The following UTY variants were observed in gnomAD, a reference collection of about 807,000 sequenced individuals.
The protein encoded by UTY is ubiquitously transcribed tetratricopeptide repeat containing, Y-linked, also known as histone demethylase UTY.
In UTY, 12 loss-of-function variants were observed where a neutral mutation model predicts 32.5. The observed-to-expected ratio is 0.37, with a 90% confidence interval of 0.24 to 0.60. The LOEUF is 0.60. Among genes scored for constraint, UTY ranks in the 20% least tolerant of loss-of-function variants. UTY has a pLI of 0.69. For synonymous variants in UTY, 131 were observed against 103.4 expected, an observed-to-expected ratio of 1.27 and a Z score of -1.62; for missense variants, 303 against 299.2, an observed-to-expected ratio of 1.01 and a Z score of -0.09.
At chrY:13,345,866 T>A (rs2061844166) in intron 17 of UTY, among the ~76,000 whole-genome samples, 3 of 32,902 alleles carry the variant, frequency 9.1e-5, no homozygotes, top group Admixed American at 2.7e-4. Flanking sequence ...CCTAATGCCA[T>A]CATATATAAA....
At chrY:13,398,385 A>G (rs2068516361) in intron 6 of UTY, among the ~76,000 whole-genome samples, 2 of 33,342 alleles carry the variant, frequency 6.0e-5, no homozygotes, top group Non-Finnish European at 1.5e-4. Context: ...TATGAAAGTA[A>G]AGTTGGGCCT....
intron 2 of UTY, among the ~76,000 whole-genome samples, chrY:13,473,260 C>T: frequency 3.2e-5 from 1 of 30,881 alleles, no homozygotes; most frequent in Non-Finnish European, 7.8e-5. Context: ...GCCAATATCA[C>T]GCCACTGCAC....
intron 17 of UTY, among the ~76,000 whole-genome samples, chrY:13,338,776 A>T: frequency 3.1e-5 from 1 of 32,707 alleles, no homozygotes; most frequent in Non-Finnish European, 7.5e-5. Context: ...GCAAAGTGTG[A>T]CCCCCACCTC....
At chrY:13,347,582 C>T (rs2062018062) in intron 17 of UTY, among the ~76,000 whole-genome samples, 10 of 31,529 alleles carry the variant, frequency 3.2e-4, no homozygotes. Flanking sequence ...ATCAGCTGGG[C>T]ATGGTGGCAG....
In UTY at chrY:13,449,056, T is replaced by C; in HGVS notation, c.336A>G (p.Ala112=). Residue 112 remains alanine (A), a synonymous_variant, in exon 4 of 30, where the codon GCA becomes GCG. Transcript: ENST00000545955. ...LLEDYSKALS[A]YQRYYSLQAD... ...CCTGTAAACTGTAATATCTCTGATA[T>C]GCAGATAATGCTGGAAAAGAAAAAA... 7.9e-6 allele frequency: 3 copies of C among 378,607 alleles called. No homozygotes were observed. The highest frequency in any genetic ancestry group is 1.1e-5 in the Non-Finnish European group (3 of 272,017). 94.4% of individuals were successfully genotyped at this position (378,607 alleles called of 400,897 possible).
intron 8 of UTY, among the ~76,000 whole-genome samples, chrY:13,370,700 T>G (rs754833442): frequency 2.7e-4 from 9 of 33,165 alleles, no homozygotes; most frequent in Admixed American, 5.5e-4. Context: ...ACCATCTCAA[T>G]GCAAAAAAGC....
intron 27 of UTY, among the ~76,000 whole-genome samples, chrY:13,267,642 T>C (rs2055940378): frequency 3.0e-5 from 1 of 33,888 alleles, no homozygotes; most frequent in Non-Finnish European, 7.3e-5. Context: ...GTTTTCGCAG[T>C]GGTTAGTTCC....
At chrY:13,399,003 C>A (rs2068616562) in intron 6 of UTY, among the ~76,000 whole-genome samples, 1 of 32,965 alleles carries the variant, frequency 3.0e-5, no homozygotes, top group Non-Finnish European at 7.5e-5. Context: ...AGCATTACTA[C>A]AGGAGCCAAA....
At chrY:13,469,834 C>G (rs2078310840) in intron 3 of UTY, among the ~76,000 whole-genome samples, 1 of 33,674 alleles carries the variant, frequency 3.0e-5, no homozygotes, top group Non-Finnish European at 7.3e-5. Context: ...TGTCTTTCTA[C>G]TGTTAACATT....
At position 13,479,651 on chromosome Y, in the gene UTY, T is replaced by C; in HGVS notation, c.15A>G (p.Ala5=). 1 of 393,842 alleles carries C rather than the reference T, an allele frequency of 2.5e-6. No individual in the cohort carries two copies. The highest frequency in any genetic ancestry group is 3.0e-5 in the South Asian group (1 of 33,004). The change falls in exon 1 of 30, where the codon GCA becomes GCG. Residue 5 remains alanine (A), a synonymous_variant. Coordinates refer to ENST00000545955, the MANE Select transcript of UTY (RefSeq NM_001258249.2). ...CAACAGCGGCGGTAGTGAGCGACAC[T>C]GCGCAGGATTTCATGGAAACAACAA... MKSC[A]VSLTTAAVAF...
intron 21 of UTY, among the ~76,000 whole-genome samples, chrY:13,315,131 CATAG>C (rs2059408678): frequency 6.0e-5 from 2 of 33,361 alleles, no homozygotes; most frequent in African/African-American, 2.3e-4. Flanking sequence ...CTCAAATGTG[CATAG>C]ATAAACAAAA....
At chrY:13,296,047 G>A in intron 27 of UTY, among the ~76,000 whole-genome samples, 1 of 33,926 alleles carries the variant, frequency 2.9e-5, no homozygotes, top group African/African-American at 1.1e-4. Context: ...CCTACCAGAG[G>A]TCTCTCTGTG....
chrY:13,314,320 A>T, intron 21 of UTY, among the ~76,000 whole-genome samples: 1 of 33,334 alleles, frequency 3.0e-5, no homozygotes, highest in South Asian at 6.7e-4. Flanking sequence ...AGGCTGAGGC[A>T]GGAGAATGGC....
At chrY:13,397,804 T>C in intron 6 of UTY, among the ~76,000 whole-genome samples, 1 of 33,691 alleles carries the variant, frequency 3.0e-5, no homozygotes, top group Non-Finnish European at 7.4e-5. Flanking sequence ...CAGTAACATT[T>C]GATGTTTATC....
chrY:13,328,673 T>C (rs2148983273), intron 18 of UTY, among the ~76,000 whole-genome samples: 1 of 33,718 alleles, frequency 3.0e-5, no homozygotes, highest in East Asian at 7.6e-4. Flanking sequence ...ATTTTCTTTT[T>C]GGTATGTTAC....
At chrY:13,331,778 T>A in intron 18 of UTY, among the ~76,000 whole-genome samples, 3 of 33,282 alleles carry the variant, frequency 9.0e-5, no homozygotes, top group Admixed American at 2.7e-4. Context: ...TACAGAAGAA[T>A]CAACAGCTGA....
At chrY:13,431,383 T>C in intron 4 of UTY, among the ~76,000 whole-genome samples, 2 of 32,751 alleles carry the variant, frequency 6.1e-5, no homozygotes, top group African/African-American at 1.2e-4. Context: ...GATGAGAGAA[T>C]TTCTCCAAAC....
At chrY:13,299,566 T>C in intron 25 of UTY, among the ~76,000 whole-genome samples, 2 of 31,475 alleles carry the variant, frequency 6.4e-5, no homozygotes, top group East Asian at 8.1e-4. Context: ...GATTGCACCA[T>C]TGCACTCCTG....
intron 27 of UTY, among the ~76,000 whole-genome samples, chrY:13,288,470 T>G (rs950036753): frequency 2.1e-4 from 6 of 29,121 alleles, no homozygotes; most frequent in South Asian, 1.7e-3. Flanking sequence ...CTAAGCTGCC[T>G]GATCAGTGGA....
Sources: allele counts gnomAD v4.1 joint callset (sites outside exome capture counted in the v4.1 genomes callset), GRCh38; gene constraint gnomAD v4.1.1; transcripts MANE v1.5; gene names NCBI Gene and HGNC (gene_info 2026-07-23, HGNC 2026-07-21).